ATXN7: variants seen among roughly 807,000 people sequenced by gnomAD.
ATXN7 encodes the protein ataxin-7.
A neutral mutation model predicts 70.5 loss-of-function variants in ATXN7; 12 were observed. That is an observed-to-expected ratio of 0.17 (90% confidence interval 0.11 to 0.28). The LOEUF (loss-of-function observed/expected upper bound fraction) is 0.28, where lower values mean the gene tolerates loss of function less well. Among genes scored for constraint, ATXN7 ranks in the 10% least tolerant of loss-of-function variants. The pLI is 1.00. For synonymous variants in ATXN7, 498 were observed against 448.7 expected (o/e 1.11, Z -1.39); for missense variants, 1,256 against 1,131.7 (o/e 1.11, Z -1.58).
At chr3:63,998,809 A>T in intron 12 of ATXN7, 16 of 534,488 alleles carry the variant, frequency 3.0e-5, no homozygotes, top group Non-Finnish European at 3.6e-5. Context: ...AAAAGTAGGG[A>T]CCTCTACTTG....
intron 2 of ATXN7, among the ~76,000 whole-genome samples, chr3:63,902,610 A>T (rs1434541692): frequency 6.6e-6 from 1 of 152,164 alleles, no homozygotes; most frequent in Non-Finnish European, 1.5e-5. Flanking sequence ...TTGGCTAGAT[A>T]TTGAAAGATA....
intron 8 of ATXN7, 130 bp from the exon 9 acceptor site, chr3:63,987,929 A>G (rs182519316): frequency 1.1e-5 from 13 of 1,151,358 alleles, no homozygotes; most frequent in South Asian, 4.6e-5. Context: ...TAGCTTATCA[A>G]ATGCTGAGTA....
At chr3:63,977,408 A>G (rs1023345215) in intron 5 of ATXN7, among the ~76,000 whole-genome samples, 1 of 152,190 alleles carries the variant, frequency 6.6e-6, no homozygotes, top group Non-Finnish European at 1.5e-5. Context: ...TCTGATACCT[A>G]GAGTGTACTT....
intron 5 of ATXN7, among the ~76,000 whole-genome samples, chr3:63,952,835 C>CTTTTTTTTTTTTTTTTTTTTTT (rs59256288): frequency 2.0e-5 from 1 of 49,164 alleles, no homozygotes; most frequent in East Asian, 6.1e-4. Context: ...ATGCATGGGC[C>CTTTTTTTTTTTTTTTTTTTTTT]TTTTTTTTTT....
intron 12 of ATXN7, chr3:63,998,508 AC>A: frequency 3.0e-6 from 3 of 985,256 alleles, no homozygotes; most frequent in Non-Finnish European, 3.6e-6. Context: ...ACTATGTCTT[AC>A]TAGAACAACA....
At chr3:63,949,139 A>G (rs576127399) in intron 4 of ATXN7, among the ~76,000 whole-genome samples, 147 of 152,268 alleles carry the variant, frequency 9.7e-4, no homozygotes, top group African/African-American at 3.4e-3. Context: ...AGGAACATAC[A>G]TACTGTCTCT....
chr3:63,916,008 T>A (rs146780708), intron 4 of ATXN7, among the ~76,000 whole-genome samples: 3,485 of 152,252 alleles, frequency 0.023, 70 homozygotes, highest in South Asian at 0.077. Context: ...TCTTGAAATA[T>A]CTCTAGGAAT....
intron 4 of ATXN7, among the ~76,000 whole-genome samples, chr3:63,932,515 A>G (rs145845117): frequency 9.7e-4 from 147 of 152,256 alleles, no homozygotes; most frequent in Non-Finnish European, 1.8e-3. Context: ...CTCTCATATA[A>G]TAGGGTCTTG....
At chr3:63,980,435 GTCACTTA>G (rs2075466638) in intron 6 of ATXN7, 2 of 470,904 alleles carry the variant, frequency 4.2e-6, no homozygotes, top group Non-Finnish European at 3.8e-6. Flanking sequence ...TGTGTACTAT[GTCACTTA>G]TCACAACAAC....
intron 12 of ATXN7, chr3:63,997,748 C>T (rs746850915): frequency 5.8e-6 from 9 of 1,540,398 alleles, no homozygotes; most frequent in Non-Finnish European, 7.9e-6. Flanking sequence ...AACTCAAATG[C>T]CAGCCGGGTT....
At chr3:63,998,111 G>T in intron 12 of ATXN7, 4 of 983,462 alleles carry the variant, frequency 4.1e-6, no homozygotes, top group Non-Finnish European at 4.8e-6. Flanking sequence ...GTGCTGTAAT[G>T]TCCATCTCAC....
intron 4 of ATXN7, among the ~76,000 whole-genome samples, chr3:63,914,947 C>T (rs1007981429): frequency 2.0e-5 from 3 of 152,126 alleles, no homozygotes; most frequent in Non-Finnish European, 4.4e-5. Context: ...GACGGAGTCT[C>T]ACTCTGTGGC....
At chr3:63,969,914 T>C (rs1187692359) in intron 5 of ATXN7, among the ~76,000 whole-genome samples, 1 of 152,200 alleles carries the variant, frequency 6.6e-6, no homozygotes, top group African/African-American at 2.4e-5. Context: ...TAGAAACAGT[T>C]CAAGTGAATG....
intron 5 of ATXN7, among the ~76,000 whole-genome samples, chr3:63,964,164 T>TA (rs1406111627): frequency 1.3e-5 from 2 of 152,058 alleles, no homozygotes; most frequent in Non-Finnish European, 2.9e-5. Flanking sequence ...AGTCTAGTAA[T>TA]ACTTAATAAT....
intron 4 of ATXN7, among the ~76,000 whole-genome samples, chr3:63,947,627 G>T: frequency 6.6e-6 from 1 of 152,230 alleles, no homozygotes; most frequent in East Asian, 1.9e-4. Flanking sequence ...TGTATAACTT[G>T]CCCAAGGTCA....
chr3:63,892,856 A>C (rs1003511835), intron 1 of ATXN7, among the ~76,000 whole-genome samples: 8 of 152,210 alleles, frequency 5.3e-5, no homozygotes, highest in Admixed American at 1.3e-4. Context: ...CACCTAGGGC[A>C]GTAGGCATGA....
At chr3:63,879,803 G>A (rs1702853800) in intron 1 of ATXN7, among the ~76,000 whole-genome samples, 1 of 152,120 alleles carries the variant, frequency 6.6e-6, no homozygotes, top group Admixed American at 6.6e-5. Context: ...AACAGATGTG[G>A]CCAGTCGCGG....
intron 4 of ATXN7, among the ~76,000 whole-genome samples, chr3:63,933,009 G>A (rs1238497649): frequency 6.6e-6 from 1 of 152,176 alleles, no homozygotes; most frequent in Non-Finnish European, 1.5e-5. Flanking sequence ...TTTACCGACA[G>A]TCCTACAGTT....
upstream of ATXN7, chr3:63,863,807 G>A: frequency 5.0e-6 from 6 of 1,202,898 alleles, no homozygotes; most frequent in Non-Finnish European, 6.2e-6. Flanking sequence ...CGCGGCGGCG[G>A]CGGCGGCGGC....
Sources: gnomAD v4.1 joint callset for allele counts (sites outside exome capture counted in the v4.1 genomes callset) on GRCh38, gnomAD v4.1.1 for gene constraint, MANE v1.5 for transcripts, NCBI Gene and HGNC (gene_info 2026-07-23, HGNC 2026-07-21) for gene names.